AK5: variants seen among roughly 807,000 people sequenced by gnomAD.
The protein encoded by AK5 is adenylate kinase isoenzyme 5.
Under a neutral mutation model 69.5 loss-of-function variants are expected in AK5, and 27 were observed. The observed-to-expected ratio is 0.39, with a 90% CI of 0.29 to 0.54. The LOEUF (loss-of-function observed/expected upper bound fraction) is 0.54. Ranked by LOEUF, AK5 falls within the 20% of genes least tolerant of loss-of-function variation. AK5 has a pLI of 0.71. For missense variants in AK5, 531 were observed against 700.4 expected (o/e 0.76, Z 2.73); for synonymous variants, 260 against 244.4 (o/e 1.06, Z -0.60).
At chr1:77,319,581 T>A (rs1357973561) in intron 5 of AK5, among the ~76,000 whole-genome samples, 1 of 152,166 alleles carries the variant, frequency 6.6e-6, no homozygotes, top group Non-Finnish European at 1.5e-5. Context: ...GGCTGCCCAG[T>A]GGTAACATTT....
chr1:77,535,749 C>A, intron 12 of AK5, 98 bp from the exon 13 acceptor site: 1 of 1,115,742 alleles, frequency 9.0e-7, no homozygotes, highest in Non-Finnish European at 1.3e-6. Flanking sequence ...TGAAGGGAAC[C>A]AGAAGGCCAA....
intron 12 of AK5, 96 bp from the exon 13 acceptor site, chr1:77,535,751 G>A: frequency 8.8e-7 from 1 of 1,138,114 alleles, no homozygotes. Context: ...AAGGGAACCA[G>A]AAGGCCAAGA....
intron 8 of AK5, among the ~76,000 whole-genome samples, chr1:77,455,573 G>T (rs888961209): frequency 1.3e-5 from 2 of 152,202 alleles, no homozygotes; most frequent in Admixed American, 6.5e-5. Context: ...CACTGAATCT[G>T]CCAGAGCCTT....
At chr1:77,282,450 C>T in intron 1 of AK5, 77 bp downstream of exon 1, 4 of 1,492,430 alleles carry the variant, frequency 2.7e-6, no homozygotes, top group Non-Finnish European at 3.6e-6. Context: ...CAGCCGCGCC[C>T]CGTCCCACCT....
intron 10 of AK5, among the ~76,000 whole-genome samples, chr1:77,490,271 T>G (rs1027964998): frequency 2.6e-5 from 4 of 152,180 alleles, no homozygotes; most frequent in African/African-American, 7.2e-5. Flanking sequence ...ACCCTCTCAC[T>G]GAGAGCAAGC....
At position 77,369,357 on chromosome 1, in the gene AK5, G is replaced by A. The variant is rs114554062; in HGVS notation, c.891+28789G>A. Among the ~76,000 whole-genome samples, 505 of 152,200 alleles carry A rather than the reference G, an allele frequency of 3.3e-3. 3 individuals carry two copies. Among genetic ancestry groups the A allele is most frequent in the African/African-American group, 0.011 (469 of 41,554 alleles). On this transcript the variant is annotated intron_variant, in intron 6 of 13. Coordinates refer to ENST00000354567, the MANE Select transcript of AK5 (RefSeq NM_174858.3). ...TATCAAGATCCAGTTTTAAAATATA[G>A]AGAAATATCAAACATTTTAGAGAAG...
intron 8 of AK5, among the ~76,000 whole-genome samples, chr1:77,455,604 C>T (rs960636934): frequency 1.1e-4 from 16 of 152,316 alleles, no homozygotes; most frequent in African/African-American, 3.8e-4. Flanking sequence ...TTCCCAGCAT[C>T]CAGAACGGTG....
chr1:77,460,792 C>T (rs1433677443), intron 8 of AK5, among the ~76,000 whole-genome samples: 1 of 151,956 alleles, frequency 6.6e-6, no homozygotes, highest in South Asian at 2.1e-4. Flanking sequence ...GATGCAATCT[C>T]GGCTCACTGC....
chr1:77,469,287 T>C (rs1197723228), intron 8 of AK5, among the ~76,000 whole-genome samples: 1 of 152,220 alleles, frequency 6.6e-6, no homozygotes, highest in Non-Finnish European at 1.5e-5. Flanking sequence ...CTAATCTAAG[T>C]GTTGCTGTGA....
chr1:77,302,438 A>G (rs1015765405), intron 5 of AK5, among the ~76,000 whole-genome samples: 3 of 152,064 alleles, frequency 2.0e-5, no homozygotes, highest in African/African-American at 7.2e-5. Context: ...GATTGAGGGT[A>G]CAAGTGCAGT....
At chr1:77,386,610 A>G (rs1003188986) in intron 6 of AK5, among the ~76,000 whole-genome samples, 1 of 152,226 alleles carries the variant, frequency 6.6e-6, no homozygotes, top group Non-Finnish European at 1.5e-5. Context: ...ATTTTATCTC[A>G]TAGGAAATAA....
intron 2 of AK5, among the ~76,000 whole-genome samples, chr1:77,290,963 A>G (rs1343572720): frequency 6.6e-6 from 1 of 152,190 alleles, no homozygotes; most frequent in African/African-American, 2.4e-5. Context: ...CATGTTAACA[A>G]AGGGCTGAAT....
At chr1:77,426,661 C>T (rs1046094512) in intron 8 of AK5, among the ~76,000 whole-genome samples, 4 of 152,168 alleles carry the variant, frequency 2.6e-5, no homozygotes, top group African/African-American at 9.7e-5. Flanking sequence ...CATCTATAGA[C>T]TGCTTTATCC....
intron 13 of AK5, among the ~76,000 whole-genome samples, chr1:77,536,763 G>C (rs1658993302): frequency 6.6e-6 from 1 of 152,128 alleles, no homozygotes; most frequent in Non-Finnish European, 1.5e-5. Context: ...ATTTTACATC[G>C]TTCACAATTG....
intron 10 of AK5, among the ~76,000 whole-genome samples, chr1:77,494,958 ATTTT>A (rs1656223973): frequency 1.3e-5 from 2 of 151,768 alleles, no homozygotes; most frequent in Non-Finnish European, 2.9e-5. Context: ...ATTTTTTTGT[ATTTT>A]TAATAGAGAC....
chr1:77,492,249 G>T (rs1453865668), intron 10 of AK5, among the ~76,000 whole-genome samples: 3 of 152,118 alleles, frequency 2.0e-5, no homozygotes, highest in Non-Finnish European at 4.4e-5. Context: ...CTTTTTTACT[G>T]CTTCATCAAG....
At position 77,403,509 on chromosome 1, in the gene AK5, A is replaced by G. The variant is rs1008049898; in HGVS notation, c.892-7472A>G. 8.6e-3 allele frequency among the ~76,000 whole-genome samples: 1,314 copies of G among 152,282 alleles called. 10 individuals carry two copies. The highest frequency in any genetic ancestry group is 0.013 in the South Asian group (62 of 4,820). ...GGAAGGGATCCAGTTTCAGCTTTCT[A>G]CATATGGCTAGCCAGTCTTCCCAGC... On this transcript the variant is annotated intron_variant, in intron 6 of 13. Transcript: ENST00000354567.
Position 77,559,843 on chromosome 1 carries a change from A to ATT in AK5, c.*1185_*1186dup, listed in dbSNP as rs544884570. On this transcript the variant is annotated 3_prime_UTR_variant, in exon 14 of 14. Transcript: ENST00000354567. ...AAAAGCATAGTTTCAGTTTGCATGAATTTTTTTTTTTTTCTTCAATGGCTG... is the reference window on the plus strand; with the variant it reads ...AAAAGCATAGTTTCAGTTTGCATGAATTTTTTTTTTTTTTTCTTCAATGGCTG... The ATT allele has an allele frequency of 4.5e-4, 67 of 147,896 alleles. No individual in the cohort carries two copies. Among genetic ancestry groups the ATT allele is most frequent in the African/African-American group, 1.6e-3 (64 of 40,284 alleles). 9.2% of individuals were successfully genotyped at this position (147,896 alleles called of 1,614,324 possible).
intron 13 of AK5, among the ~76,000 whole-genome samples, chr1:77,546,785 T>C (rs758299122): frequency 1.3e-5 from 2 of 152,182 alleles, no homozygotes; most frequent in Non-Finnish European, 1.5e-5. Flanking sequence ...GGTGCCATAA[T>C]AGGATCTACA....
Sources: allele counts gnomAD v4.1 joint callset (sites outside exome capture counted in the v4.1 genomes callset), GRCh38; gene constraint gnomAD v4.1.1; transcripts MANE v1.5; gene names NCBI Gene and HGNC (gene_info 2026-07-23, HGNC 2026-07-21).